The following CFAP20DC variants were observed in gnomAD, a reference collection of about 807,000 sequenced individuals.
CFAP20DC encodes the protein protein CFAP20DC.
In CFAP20DC, 84 loss-of-function variants were observed where a neutral mutation model predicts 101.7. The observed-to-expected ratio is 0.83, with a 90% CI of 0.69 to 0.99. The LOEUF (loss-of-function observed/expected upper bound fraction) is 0.99. CFAP20DC is among the 50% of genes least tolerant of loss of function. The pLI, the probability that CFAP20DC is intolerant of heterozygous loss-of-function variation, is 0.00. For synonymous variants in CFAP20DC, 359 were observed against 351.2 expected (o/e 1.02, Z -0.25); for missense variants, 1,007 against 970.3 (o/e 1.04, Z -0.50).
chr3:59,003,975 T>C (rs2108780167), intron 4 of CFAP20DC, among the ~76,000 whole-genome samples: 1 of 152,334 alleles, frequency 6.6e-6, no homozygotes, highest in South Asian at 2.1e-4. Context: ...TTGTGAAACA[T>C]ACCTACTTTT....
chr3:58,765,471 C>CAA (rs1288496269), intron 15 of CFAP20DC, among the ~76,000 whole-genome samples: 3,063 of 27,490 alleles, frequency 0.11, 182 homozygotes, highest in East Asian at 0.41. Context: ...ACATTCTAGC[C>CAA]AAAAAAAAAA....
chr3:58,962,411 T>C (rs1256494594), intron 4 of CFAP20DC, among the ~76,000 whole-genome samples: 2 of 152,236 alleles, frequency 1.3e-5, no homozygotes, highest in African/African-American at 4.8e-5. Context: ...TTTAAATTTA[T>C]TGAAACTCGT....
intron 12 of CFAP20DC, among the ~76,000 whole-genome samples, chr3:58,856,265 GACACACACACACACACACACACAC>G (rs536277954): frequency 2.4e-5 from 3 of 124,136 alleles, no homozygotes; most frequent in South Asian, 3.1e-4. Flanking sequence ...TTCATCTTCT[GACACACACACACACACACACACAC>G]ACACACACAC....
intron 4 of CFAP20DC, among the ~76,000 whole-genome samples, chr3:58,955,496 A>T (rs903159224): frequency 1.3e-5 from 2 of 152,124 alleles, no homozygotes; most frequent in Admixed American, 6.5e-5. Flanking sequence ...GCTGATGCCC[A>T]CCCACAGAGG....
intron 4 of CFAP20DC, among the ~76,000 whole-genome samples, chr3:58,984,007 G>A (rs2092672842): frequency 6.6e-6 from 1 of 152,170 alleles, no homozygotes; most frequent in Non-Finnish European, 1.5e-5. Flanking sequence ...CAGGAGTTAA[G>A]TTGGGCTATT....
chr3:58,763,752 T>G (rs1297500287), intron 15 of CFAP20DC, among the ~76,000 whole-genome samples: 2 of 152,222 alleles, frequency 1.3e-5, no homozygotes, highest in Admixed American at 6.5e-5. Context: ...GTTTTCCTTG[T>G]AACAGTCAGG....
At chr3:58,798,719 T>C (rs373717313) in intron 15 of CFAP20DC, among the ~76,000 whole-genome samples, 4 of 152,166 alleles carry the variant, frequency 2.6e-5, no homozygotes, top group Non-Finnish European at 2.9e-5. Flanking sequence ...GCAAACTTCA[T>C]TGTTGTCTTA....
intron 5 of CFAP20DC, among the ~76,000 whole-genome samples, chr3:58,933,418 G>A (rs1312219141): frequency 1.5e-4 from 23 of 151,756 alleles, no homozygotes; most frequent in South Asian, 1.3e-3. Flanking sequence ...TGCACCAAGC[G>A]GACCTAATAG....
intron 6 of CFAP20DC, among the ~76,000 whole-genome samples, chr3:58,905,469 A>T (rs1355672980): frequency 6.6e-6 from 1 of 152,210 alleles, no homozygotes; most frequent in Non-Finnish European, 1.5e-5. Context: ...TTGAATCAGT[A>T]CGCTTTACTA....
chr3:58,730,712 T>G (rs937238583), intron 3 of CFAP20DC, among the ~76,000 whole-genome samples: 4 of 152,162 alleles, frequency 2.6e-5, no homozygotes, highest in Non-Finnish European at 5.9e-5. Flanking sequence ...TTTTGAATGT[T>G]TACATTTGAA....
At position 58,859,507 on chromosome 3, in the gene CFAP20DC, C is replaced by T. The variant is rs1575982917; in HGVS notation, c.1593+4051G>A. Among the ~76,000 whole-genome samples, 1 of 152,164 alleles carries T rather than the reference C, an allele frequency of 6.6e-6. No homozygotes were observed. Among genetic ancestry groups the T allele is most frequent in the South Asian group, 2.1e-4 (1 of 4,822 alleles). On this transcript the variant is annotated intron_variant, in intron 12 of 16. Coordinates refer to ENST00000482387, the MANE Select transcript of CFAP20DC (RefSeq NM_001394063.1). The surrounding 1 kb of genome is among the most constrained non-coding windows in gnomAD (Gnocchi z 4.1). ...GAATATTAGATTGCAAATAGACAAGCATTTTGTAACTTTCTTCATCTGCCT... is the reference window on the plus strand; with the variant it reads ...GAATATTAGATTGCAAATAGACAAGTATTTTGTAACTTTCTTCATCTGCCT...
intron 3 of CFAP20DC, among the ~76,000 whole-genome samples, chr3:59,046,011 C>T (rs1043278945): frequency 6.6e-6 from 1 of 151,896 alleles, no homozygotes; most frequent in African/African-American, 2.4e-5. Flanking sequence ...CTTTAAGATA[C>T]TACTAGATTT....
chr3:58,940,874 T>C (rs1397594603), intron 4 of CFAP20DC, among the ~76,000 whole-genome samples: 1 of 152,236 alleles, frequency 6.6e-6, no homozygotes, highest in Non-Finnish European at 1.5e-5. Context: ...AGAATGATAC[T>C]GATCATGTCT....
chr3:58,861,497 A>G lies in CFAP20DC; in HGVS notation c.1593+2061T>C, dbSNP rs2079244975. ...CCATTGATTTATACAATTAATAAAT[A>G]GAAGAAGCTATCCTACAGGAAAAGA... On this transcript the variant is annotated intron_variant, in intron 12 of 16. Transcript: ENST00000482387. The surrounding 1 kb of genome is among the most constrained non-coding windows in gnomAD (Gnocchi z 4.0). 1 of 930,190 alleles carries G rather than the reference A, an allele frequency of 1.1e-6. No homozygotes were observed. The highest frequency in any genetic ancestry group is 1.3e-6 in the Non-Finnish European group (1 of 779,784). 57.6% of individuals were successfully genotyped at this position (930,190 alleles called of 1,614,324 possible).
At chr3:58,999,595 G>A (rs2108732549) in intron 4 of CFAP20DC, among the ~76,000 whole-genome samples, 1 of 152,144 alleles carries the variant, frequency 6.6e-6, no homozygotes, top group Non-Finnish European at 1.5e-5. Context: ...ATGGACTCTT[G>A]GCCCTCTCCT....
chr3:58,947,695 C>T (rs1322014776), intron 4 of CFAP20DC, among the ~76,000 whole-genome samples: 2 of 152,284 alleles, frequency 1.3e-5, no homozygotes, highest in Middle Eastern at 3.4e-3. Flanking sequence ...TGTTGTGCAG[C>T]GTCTTTAGGA....
chr3:58,745,550 C>T (rs1248813942), intron 16 of CFAP20DC, among the ~76,000 whole-genome samples: 1 of 152,082 alleles, frequency 6.6e-6, no homozygotes, highest in African/African-American at 2.4e-5. Context: ...TCCTTGTTTA[C>T]AAAATGGGAA....
At chr3:58,796,932 G>T (rs969946888) in intron 15 of CFAP20DC, among the ~76,000 whole-genome samples, 1 of 152,142 alleles carries the variant, frequency 6.6e-6, no homozygotes, top group Non-Finnish European at 1.5e-5. Context: ...TGGGACACCA[G>T]GAACCATGCC....
intron 5 of CFAP20DC, among the ~76,000 whole-genome samples, chr3:58,931,795 A>C (rs1016402204): frequency 6.6e-6 from 1 of 152,208 alleles, no homozygotes; most frequent in Non-Finnish European, 1.5e-5. Context: ...ATCAAAGACC[A>C]AAAGTAGATA....
Sources: gnomAD v4.1 joint callset for allele counts (sites outside exome capture counted in the v4.1 genomes callset) on GRCh38, gnomAD v4.1.1 for gene constraint, Gnocchi (gnomAD v3.1) non-coding constraint, MANE v1.5 for transcripts, NCBI Gene and HGNC (gene_info 2026-07-23, HGNC 2026-07-21) for gene names.